The following ATP8B3 variants were observed in gnomAD, a reference collection of about 807,000 sequenced individuals.
ATP8B3 encodes ATPase phospholipid transporting 8B3, also known as phospholipid-transporting ATPase IK.
ATP8B3 carries 141 observed loss-of-function variants against 140.9 expected under a neutral mutation model. The ratio of observed to expected loss-of-function variants is 1.00; its 90% CI spans 0.87 to 1.15. ATP8B3 has a LOEUF of 1.15. ATP8B3 is among the 50% of genes most tolerant of loss of function. ATP8B3 has a pLI of 0.00. For synonymous variants in ATP8B3, 765 were observed against 714.6 expected (o/e 1.07, Z -1.13); for missense variants, 1,874 against 1,740.6 (o/e 1.08, Z -1.36).
Position 1,796,216 on chromosome 19 carries a change from G to C in ATP8B3, c.1803C>G (p.Thr601=). Residue 601 remains threonine (T), a synonymous_variant, in exon 17 of 29, where the codon ACC becomes ACG. Transcript: ENST00000310127. ...ACACGTAGCCGAAGTTCCGGGCTGC[G>C]GTGACCAGCGCCCCCTCGTCGGGGG... ...AASPDEGALV[T]AARNFGYVFL... 3 of 1,612,664 alleles carry C rather than the reference G, an allele frequency of 1.9e-6. No individual in the cohort carries two copies. Among genetic ancestry groups the C allele is most frequent in the Non-Finnish European group, 2.5e-6 (3 of 1,179,846 alleles).
At position 1,785,300 on chromosome 19, in the gene ATP8B3, G is replaced by T. The variant is rs753437395; in HGVS notation, c.3394-3C>A. On this transcript the variant is annotated splice_polypyrimidine_tract_variant and splice_region_variant and intron_variant, in intron 26 of 28. Transcript: ENST00000310127. The stretch of plus-strand genomic sequence containing the variant: ...CAGTACTTGATGATAAGAATGACCT[G>T]GACAGGCAGCGGTGGGGTAAATCCG... 4.4e-6 allele frequency: 7 copies of T among 1,589,274 alleles called. No individual in the cohort carries two copies. In the South Asian group the frequency reaches 8.0e-5, roughly 18 times the overall value.
Position 1,800,166 on chromosome 19 carries a change from A to G in ATP8B3, c.1344-11T>C, listed in dbSNP as rs1255960857. 1.9e-6 allele frequency: 3 copies of G among 1,560,760 alleles called. No individual in the cohort carries two copies. The highest frequency in any genetic ancestry group is 2.6e-6 in the Non-Finnish European group (3 of 1,152,184). ...TAGATGAACTCGGACCTGCAGAGGC[A>G]CTCAGGGTCACGGTCAGCCCCGCCT... On this transcript the variant is annotated splice_polypyrimidine_tract_variant and intron_variant, in intron 13 of 28. Transcript: ENST00000310127. The surrounding 1 kb of genome is among the most constrained non-coding windows in gnomAD (Gnocchi z 4.4).
rs2069088048 is a variant in ATP8B3, at chr19:1,808,281, G to T, written c.457C>A (p.Leu153Met). The change falls in exon 5 of 29, where the codon CTG becomes ATG. Residue 153 changes from leucine (L) to methionine (M), a missense_variant. Coordinates refer to ENST00000310127, the MANE Select transcript of ATP8B3 (RefSeq NM_138813.4). Reference sequence around the variant, plus strand: ...GACACGCGGTGGAACTGCTCGTACAGGTTCAGCGGCAGGAACGAGTAGAAG... The same window carrying T: ...GACACGCGGTGGAACTGCTCGTACATGTTCAGCGGCAGGAACGAGTAGAAG... ...YNFYSFLPLN[L>M]YEQFHRVSNL... is the part of the protein sequence containing the mutation. 2 of 1,613,146 alleles carry T rather than the reference G, an allele frequency of 1.2e-6. No homozygotes were observed. The highest frequency in any genetic ancestry group is 2.2e-5 in the South Asian group (2 of 91,054).
rs908055505 is a variant in ATP8B3 at position 1,805,347 on chromosome 19, C to G, written c.904+27G>C. ...TTTTAACTTTTACAGATTCGAGGGA[C>G]GTGACTCCCTGCTCAACGCCTCTCA... On this transcript the variant is annotated intron_variant, in intron 10 of 28. Transcript: ENST00000310127. The surrounding 1 kb of genome is among the most constrained non-coding windows in gnomAD (Gnocchi z 5.2). The G allele has an allele frequency of 6.5e-7, 1 of 1,530,754 alleles. No homozygotes were observed. Among genetic ancestry groups the G allele is most frequent in the African/African-American group, 1.4e-5 (1 of 72,768 alleles). 94.8% of individuals were successfully genotyped at this position (1,530,754 alleles called of 1,614,324 possible).
intron 18 of ATP8B3, among the ~76,000 whole-genome samples, chr19:1,793,584 G>A (rs1336846667): frequency 1.3e-5 from 2 of 152,210 alleles, no homozygotes; most frequent in Non-Finnish European, 2.9e-5. Flanking sequence ...GCCTCTAGGG[G>A]CTGGGAGGAA....
At position 1,782,862 on chromosome 19, in the gene ATP8B3, T is replaced by C. The variant is rs889091571; in HGVS notation, c.*166A>G. On this transcript the variant is annotated 3_prime_UTR_variant, in exon 29 of 29. Transcript: ENST00000310127. ...GACTCAGATAGCCTGTTGCTGCTGG[T>C]GAGCACATATTTGGGGAGGGCAGGT... 22 of 854,000 alleles carry C rather than the reference T, an allele frequency of 2.6e-5. No homozygotes were observed. The highest frequency in any genetic ancestry group is 3.9e-5 in the Non-Finnish European group (22 of 563,562). 52.9% of individuals were successfully genotyped at this position (854,000 alleles called of 1,614,324 possible).
chr19:1,797,140 C>A (rs2068704562), intron 14 of ATP8B3, 135 bp from the exon 15 acceptor site: 1 of 1,371,668 alleles, frequency 7.3e-7, no homozygotes, highest in South Asian at 1.3e-5. Flanking sequence ...GCCCTGGAAC[C>A]GACACCCCGA....
intron 10 of ATP8B3, among the ~76,000 whole-genome samples, chr19:1,804,792 G>A (rs1292494114): frequency 6.6e-6 from 1 of 152,110 alleles, no homozygotes; most frequent in African/African-American, 2.4e-5. Flanking sequence ...GGAGACAAGA[G>A]CGAAACTCCG....
At position 1,806,279 on chromosome 19, in the gene ATP8B3, C is replaced by G; in HGVS notation, c.678-110G>C. 1 of 1,509,128 alleles carries G rather than the reference C, an allele frequency of 6.6e-7. No homozygotes were observed. Among genetic ancestry groups the G allele is most frequent in the Non-Finnish European group, 8.8e-7 (1 of 1,132,458 alleles). The allele number at this position is 1,509,128 out of a possible 1,614,324, so 93.5% of individuals were successfully genotyped here. ...GGGCCCGCAGCTGCAGTCCCCACCT[C>G]CGGGCCTTTGCCCCCTCAGGAAGCC... is the stretch of plus-strand genomic sequence containing the variant. On this transcript the variant is annotated intron_variant, in intron 7 of 28. Coordinates refer to ENST00000310127, the MANE Select transcript of ATP8B3 (RefSeq NM_138813.4). This position sits in a 1 kb window ranked among gnomAD's most constrained non-coding sequence, Gnocchi z 5.6.
Position 1,792,075 on chromosome 19 carries a change from T to TG in ATP8B3, c.2115dup (p.Ile706HisfsTer42), listed in dbSNP as rs745749555. On this transcript the variant is annotated frameshift_variant, in exon 19 of 29. Transcript: ENST00000310127. LOFTEE classifies it high-confidence loss of function. ...TGGCGCTGCTGCCAGTCCTCGTAAA[T>TG]GTCCTCAGCCACCTCCCTGTAGGCC... The TG allele has an allele frequency of 9.8e-5, 153 of 1,568,390 alleles. No homozygotes were observed. Among genetic ancestry groups the TG allele is most frequent in the Non-Finnish European group, 3.5e-5 (40 of 1,159,126 alleles).
intron 18 of ATP8B3, among the ~76,000 whole-genome samples, chr19:1,795,190 G>A (rs2068628153): frequency 6.6e-6 from 1 of 152,162 alleles, no homozygotes; most frequent in South Asian, 2.1e-4. Flanking sequence ...GGGAGGCAGA[G>A]GTTGCAGTGA....
intron 14 of ATP8B3, among the ~76,000 whole-genome samples, chr19:1,798,466 C>T (rs569874779): frequency 3.4e-4 from 52 of 151,898 alleles, no homozygotes; most frequent in East Asian, 5.8e-4. Flanking sequence ...TGGCCGGGCG[C>T]GGTGGCTCAC....
intron 4 of ATP8B3, 147 bp from the exon 5 acceptor site, chr19:1,808,482 C>G: frequency 1.6e-6 from 1 of 615,686 alleles, no homozygotes; most frequent in Non-Finnish European, 3.0e-6. Context: ...ATCTACTGAG[C>G]CAGCAGTTAC....
At position 1,812,200 on chromosome 19, in the gene ATP8B3, CA is replaced by C. The variant is rs371736728; in HGVS notation, c.-164del. 738 of 156,714 alleles carry C rather than the reference CA, an allele frequency of 4.7e-3. 6 individuals are homozygous for C. Among genetic ancestry groups the C allele is most frequent in the African/African-American group, 0.015 (606 of 41,688 alleles). 9.7% of individuals were successfully genotyped at this position (156,714 alleles called of 1,614,324 possible). ...CCGCCGCTCACCGGCGCAGGAGAGG[CA>C]GGGGGGGGCAGGCCGCGGGCGTCCA... On this transcript the variant is annotated 5_prime_UTR_variant, in exon 1 of 29. Transcript: ENST00000310127.
Position 1,806,785 on chromosome 19 carries a change from A to G in ATP8B3, c.616-96T>C. On this transcript the variant is annotated intron_variant, in intron 6 of 28. Coordinates refer to ENST00000310127, the MANE Select transcript of ATP8B3 (RefSeq NM_138813.4). The surrounding 1 kb of genome is among the most constrained non-coding windows in gnomAD (Gnocchi z 5.6). Reference sequence around the variant, plus strand: ...TGCAGCCCAGCAGTGCCCGCCCGCAACACGGGGTCCCTGTCCGCTGGCCCC... The same window carrying G: ...TGCAGCCCAGCAGTGCCCGCCCGCAGCACGGGGTCCCTGTCCGCTGGCCCC... 1 of 1,357,418 alleles carries G rather than the reference A, an allele frequency of 7.4e-7. No homozygotes were observed. The highest frequency in any genetic ancestry group is 2.5e-5 in the East Asian group (1 of 39,842). The allele number at this position is 1,357,418 out of a possible 1,614,324, so 84.1% of individuals were successfully genotyped here.
intron 12 of ATP8B3, 53 bp downstream of exon 12, chr19:1,801,903 T>C: frequency 7.2e-7 from 1 of 1,392,974 alleles, no homozygotes; most frequent in Non-Finnish European, 1.0e-6. Context: ...ATGACATCCC[T>C]GACCCTGCAC....
Position 1,789,065 on chromosome 19 carries a change from G to A in ATP8B3, c.2901C>T (p.Asn967=), listed in dbSNP as rs201176992. The A allele has an allele frequency of 5.6e-5, 89 of 1,597,742 alleles. No homozygotes were observed. The African/African-American group carries it at 1.1e-3, about 20-fold the overall frequency. The change falls in exon 24 of 29, where the codon AAC becomes AAT. Residue 967 remains asparagine (N), a synonymous_variant. Coordinates refer to ENST00000310127, the MANE Select transcript of ATP8B3 (RefSeq NM_138813.4). ...AGQEGMQAVQ[N]SDFVLGQFCF... is the part of the protein sequence containing the mutation. ...AGAACTGGCCGAGCACGAAGTCGCT[G>A]TTCTGAACTGCCTGCATGCCCTCCT...
rs2068439825 is a variant in ATP8B3, at chr19:1,789,948, A to G, written c.2420T>C (p.Leu807Pro). ...GACCTGCGACAGGGACTCCCTGGTT[A>G]GAAGGTTGTTACTGTTTTCCCAGTA... ...ETYWENSNNL[L>P]TRESLSQVKL... Residue 807 changes from leucine (L) to proline (P), a missense_variant, in exon 22 of 29, where the codon CTA becomes CCA. Coordinates refer to ENST00000310127, the MANE Select transcript of ATP8B3 (RefSeq NM_138813.4). 6.2e-7 allele frequency: 1 copy of G among 1,612,130 alleles called. No individual in the cohort carries two copies. Among genetic ancestry groups the G allele is most frequent in the Non-Finnish European group, 8.5e-7 (1 of 1,179,568 alleles).
chr19:1,787,047 G>T, intron 25 of ATP8B3, 56 bp downstream of exon 25: 2 of 1,468,552 alleles, frequency 1.4e-6, no homozygotes, highest in Non-Finnish European at 1.9e-6. Context: ...GAGCGGAGGA[G>T]AGGAGGAGAG....
Sources: gnomAD v4.1 joint callset for allele counts (sites outside exome capture counted in the v4.1 genomes callset) on GRCh38, gnomAD v4.1.1 for gene constraint, Gnocchi (gnomAD v3.1) non-coding constraint, MANE v1.5 for transcripts, NCBI Gene and HGNC (gene_info 2026-07-23, HGNC 2026-07-21) for gene names.